The following PHLPP1 variants were observed in gnomAD, a reference collection of about 807,000 sequenced individuals.
The protein encoded by PHLPP1 is PH domain leucine-rich repeat-containing protein phosphatase 1.
PHLPP1 carries 42 observed loss-of-function variants against 117.2 expected under a neutral mutation model. That is an observed-to-expected ratio of 0.36 (90% CI 0.28 to 0.46). PHLPP1 has a LOEUF of 0.46. Among genes scored for constraint, PHLPP1 ranks in the 20% least tolerant of loss-of-function variants. PHLPP1 has a pLI of 1.00. For missense variants in PHLPP1, 2,084 were observed against 2,241.9 expected, an observed-to-expected ratio of 0.93 and a Z score of 1.42; for synonymous variants, 1,042 against 970.7, an observed-to-expected ratio of 1.07 and a Z score of -1.37.
At position 62,895,407 on chromosome 18, in the gene PHLPP1, G is replaced by A. The variant is rs114789792; in HGVS notation, c.2213+250G>A. On this transcript the variant is annotated intron_variant, in intron 5 of 16. Transcript: ENST00000262719. ...CCTACAGATGAGTATGTCTAAACAT[G>A]GAATGTGGGTTATGTTCTCATTTTT... 5.6e-3 allele frequency among the ~76,000 whole-genome samples: 859 copies of A among 152,270 alleles called. 13 individuals carry two copies. The highest frequency in any genetic ancestry group is 0.02 in the African/African-American group (816 of 41,554).
intron 12 of PHLPP1, among the ~76,000 whole-genome samples, chr18:62,947,896 G>A (rs1599136458): frequency 6.6e-6 from 1 of 151,914 alleles, no homozygotes; most frequent in East Asian, 1.9e-4. Context: ...CATGGTGGTT[G>A]GCACCTGTAA....
At chr18:62,774,496 A>G (rs544560919) in intron 1 of PHLPP1, among the ~76,000 whole-genome samples, 1 of 152,334 alleles carries the variant, frequency 6.6e-6, no homozygotes, top group South Asian at 2.1e-4. Flanking sequence ...AAAGGTTTTG[A>G]CATAGAGGTC....
intron 1 of PHLPP1, among the ~76,000 whole-genome samples, chr18:62,744,708 C>CA (rs1452842878): frequency 6.6e-6 from 1 of 152,184 alleles, no homozygotes; most frequent in Non-Finnish European, 1.5e-5. Context: ...ATGTTTGAAA[C>CA]TTCAGTGATG....
intron 1 of PHLPP1, among the ~76,000 whole-genome samples, chr18:62,785,307 G>A (rs927287633): frequency 6.6e-6 from 1 of 152,188 alleles, no homozygotes. Flanking sequence ...CTGAAGCAGT[G>A]TTAAGATTCC....
intron 4 of PHLPP1, among the ~76,000 whole-genome samples, chr18:62,861,134 C>T (rs187367413): frequency 1.8e-3 from 279 of 152,086 alleles, no homozygotes; most frequent in African/African-American, 6.5e-3. Flanking sequence ...TTTTTTGAGA[C>T]AGAGTCTTGC....
chr18:62,744,458 C>T (rs533904895), intron 1 of PHLPP1, among the ~76,000 whole-genome samples: 1 of 152,364 alleles, frequency 6.6e-6, no homozygotes, highest in South Asian at 2.1e-4. Flanking sequence ...GTCAGAGTGC[C>T]AGCTGAAGTT....
intron 1 of PHLPP1, among the ~76,000 whole-genome samples, chr18:62,772,822 C>T (rs192284280): frequency 9.7e-6 from 1 of 103,186 alleles, no homozygotes; most frequent in East Asian, 2.1e-4. Flanking sequence ...CTAAGCAAGA[C>T]TCTTTCTCAA....
intron 1 of PHLPP1, chr18:62,825,500 C>T (rs1255361447): frequency 1.3e-5 from 2 of 148,540 alleles, no homozygotes; most frequent in Non-Finnish European, 3.0e-5. Flanking sequence ...ATTCCATCTC[C>T]CAGGCTCTGG....
At chr18:62,727,582 C>T (rs1300286139) in intron 1 of PHLPP1, among the ~76,000 whole-genome samples, 3 of 150,022 alleles carry the variant, frequency 2.0e-5, no homozygotes, top group African/African-American at 7.4e-5. Flanking sequence ...TGCCACTGCA[C>T]TCCAGCTTGG....
At chr18:62,940,250 T>G (rs1039823236) in intron 10 of PHLPP1, among the ~76,000 whole-genome samples, 1 of 151,834 alleles carries the variant, frequency 6.6e-6, no homozygotes, top group African/African-American at 2.4e-5. Context: ...TTTAACTACA[T>G]TTCACAATCA....
At chr18:62,817,500 A>G (rs1255698600) in intron 1 of PHLPP1, among the ~76,000 whole-genome samples, 1 of 152,164 alleles carries the variant, frequency 6.6e-6, no homozygotes, top group Non-Finnish European at 1.5e-5. Context: ...CAATAGCTCA[A>G]ACACTACAGA....
At chr18:62,812,696 T>C (rs1225640226) in intron 1 of PHLPP1, among the ~76,000 whole-genome samples, 1 of 152,088 alleles carries the variant, frequency 6.6e-6, no homozygotes, top group Admixed American at 6.5e-5. Context: ...ATTGCACACT[T>C]TAACTTTTGT....
intron 14 of PHLPP1, among the ~76,000 whole-genome samples, chr18:62,969,394 G>T (rs1910989614): frequency 6.6e-6 from 1 of 152,048 alleles, no homozygotes; most frequent in South Asian, 2.1e-4. Context: ...CGCTTTGTAT[G>T]ACTTGAATCC....
intron 1 of PHLPP1, among the ~76,000 whole-genome samples, chr18:62,825,155 C>T (rs1292791339): frequency 2.0e-5 from 3 of 151,720 alleles, no homozygotes; most frequent in African/African-American, 2.4e-5. Context: ...GACGGGGTTT[C>T]GCCATCTTGG....
intron 1 of PHLPP1, among the ~76,000 whole-genome samples, chr18:62,790,586 A>G (rs1040515262): frequency 6.6e-6 from 1 of 152,178 alleles, no homozygotes; most frequent in Non-Finnish European, 1.5e-5. Context: ...AGGAAAGCCA[A>G]TATATTAATA....
intron 4 of PHLPP1, among the ~76,000 whole-genome samples, chr18:62,884,736 C>T (rs1916246154): frequency 6.6e-6 from 1 of 152,190 alleles, no homozygotes; most frequent in African/African-American, 2.4e-5. Flanking sequence ...TTTTAATTGA[C>T]CCATTTGTGG....
chr18:62,953,921 A>C (rs1340048805), intron 12 of PHLPP1, among the ~76,000 whole-genome samples: 1 of 152,216 alleles, frequency 6.6e-6, no homozygotes, highest in Non-Finnish European at 1.5e-5. Flanking sequence ...TTGCCATTTC[A>C]GGGCAGTACA....
intron 1 of PHLPP1, among the ~76,000 whole-genome samples, chr18:62,722,643 G>A (rs919252559): frequency 6.6e-6 from 1 of 151,894 alleles, no homozygotes; most frequent in East Asian, 1.9e-4. Flanking sequence ...CTTACCTTTG[G>A]CTTTCTAAAG....
rs747097979 is a variant in PHLPP1, at chr18:62,849,832, A to ATATAAAT, written c.1900-10603_1900-10602insTATAAAT. ...AAAAAAAAAAAAAAAAAAAAAAAAAAATATATATATCCTTTAAAGTTTAGT... is the reference window on the plus strand; with the variant it reads ...AAAAAAAAAAAAAAAAAAAAAAAAAATATAAATATATATATATCCTTTAAAGTTTAGT... On this transcript the variant is annotated intron_variant, in intron 3 of 16. Coordinates refer to ENST00000262719, the MANE Select transcript of PHLPP1 (RefSeq NM_194449.4). Among the ~76,000 whole-genome samples, 2 of 33,084 alleles carry ATATAAAT rather than the reference A, an allele frequency of 6.0e-5. 1 individual carries two copies. The highest frequency in any genetic ancestry group is 2.5e-4 in the African/African-American group (2 of 8,084). The allele number at this position is 33,084 out of a possible 152,430, so 21.7% of individuals were successfully genotyped here. A position where few individuals can be genotyped will look rare whatever the true frequency, so the allele number is the denominator to read the frequency against.
Sources: allele counts gnomAD v4.1 joint callset (sites outside exome capture counted in the v4.1 genomes callset), GRCh38; gene constraint gnomAD v4.1.1; transcripts MANE v1.5; gene names NCBI Gene and HGNC (gene_info 2026-07-23, HGNC 2026-07-21).